Variants in SP100 observed in about 807,000 individuals in gnomAD.
SP100 encodes the protein SP100 nuclear body protein.
In SP100, 84 loss-of-function variants were observed where a neutral mutation model predicts 130.0. That is an observed-to-expected ratio of 0.65 (90% CI 0.54 to 0.77). The LOEUF (loss-of-function observed/expected upper bound fraction) is 0.77. SP100 is among the 30% of genes least tolerant of loss of function. The probability of loss-of-function intolerance (pLI) is 0.00; values close to 1 mark genes in which losing one functional copy is unlikely to be tolerated. For synonymous variants in SP100, 331 were observed against 351.7 expected, an observed-to-expected ratio of 0.94 and a Z score of 0.66; for missense variants, 978 against 1,052.2, an observed-to-expected ratio of 0.93 and a Z score of 0.97.
chr2:230,508,481 A>T (rs1276941305), intron 23 of SP100: 1 of 152,032 alleles, frequency 6.6e-6, no homozygotes, highest in Admixed American at 6.6e-5. Flanking sequence ...ATGCCCGGCT[A>T]TTTTTTTTGT....
chr2:230,440,581 A>G (rs2063438535), intron 2 of SP100: 1 of 1,373,856 alleles, frequency 7.3e-7, no homozygotes, highest in Non-Finnish European at 9.5e-7. Context: ...GAGATATACA[A>G]TGTTAACAGA....
At chr2:230,503,592 T>G (rs1466681372) in intron 20 of SP100, among the ~76,000 whole-genome samples, 2 of 152,224 alleles carry the variant, frequency 1.3e-5, no homozygotes, top group Non-Finnish European at 2.9e-5. Flanking sequence ...TATCTAACTG[T>G]ATATCTGAAT....
chr2:230,515,549 T>C (rs750217530), intron 24 of SP100: 1 of 1,599,288 alleles, frequency 6.3e-7, no homozygotes, highest in Non-Finnish European at 8.5e-7. Flanking sequence ...AAGAGAGTTG[T>C]CAAGGCTGAA....
chr2:230,451,887 A>G (rs192393712), intron 8 of SP100, among the ~76,000 whole-genome samples: 2 of 152,326 alleles, frequency 1.3e-5, no homozygotes, highest in Admixed American at 6.5e-5. Context: ...ACCATTTATT[A>G]AAGAGATAGA....
At chr2:230,445,287 A>C (rs1488138963) in intron 4 of SP100, among the ~76,000 whole-genome samples, 1 of 152,212 alleles carries the variant, frequency 6.6e-6, no homozygotes, top group Non-Finnish European at 1.5e-5. Context: ...CAAATAAGAG[A>C]TAGAGACATC....
At position 230,466,346 on chromosome 2, in the gene SP100, A is replaced by G. The variant is rs747641164; in HGVS notation, c.1187A>G (p.Lys396Arg). ...RKLSTFRESF[K>R]KRVIGQDHDF... is the part of the protein sequence containing the mutation. ...TTATCTACATTCAGAGAAAGTTTTA[A>G]GAAAAGAGGTAAGAGAAAGCTTTAG... Residue 396 changes from lysine to arginine, a missense_variant, in exon 12 of 29, where the codon AAG becomes AGG. Physicochemically the swap from Lys to Arg is conservative, Grantham distance 26. Coordinates refer to ENST00000340126, the MANE Select transcript of SP100 (RefSeq NM_001080391.2). 39 of 1,552,560 alleles carry G rather than the reference A, an allele frequency of 2.5e-5. No homozygotes were observed. Among genetic ancestry groups the G allele is most frequent in the Middle Eastern group, 1.7e-4 (1 of 5,956 alleles).
intron 6 of SP100, 92 bp from the exon 7 acceptor site, chr2:230,449,469 A>T: frequency 7.1e-7 from 1 of 1,415,712 alleles, no homozygotes. Context: ...CCTTGACCTT[A>T]CGTCCATCAG....
At chr2:230,480,548 G>A (rs1295349602) in intron 17 of SP100, among the ~76,000 whole-genome samples, 2 of 152,204 alleles carry the variant, frequency 1.3e-5, no homozygotes, top group Admixed American at 1.3e-4. Flanking sequence ...TCAGTAGGCA[G>A]CTGGGCTTCT....
chr2:230,454,006 G>A (rs2064144310), intron 8 of SP100, among the ~76,000 whole-genome samples: 1 of 152,000 alleles, frequency 6.6e-6, no homozygotes, highest in East Asian at 1.9e-4. Flanking sequence ...CTGTTTCTTT[G>A]TTATTCAGTC....
Position 230,506,472 on chromosome 2 carries a change from C to T in SP100, c.2013+27C>T, listed in dbSNP as rs896861036. ...TATTCTAGTGACAGATGGCTGAAAC[C>T]AAGGATTTAGCTGTCATGCTTCACT... is the stretch of plus-strand genomic sequence containing the variant. On this transcript the variant is annotated intron_variant, in intron 22 of 28. Coordinates refer to ENST00000340126, the MANE Select transcript of SP100 (RefSeq NM_001080391.2). 3.7e-6 allele frequency: 6 copies of T among 1,610,688 alleles called. No homozygotes were observed. In the African/African-American group the frequency reaches 6.7e-5, roughly 18 times the overall value.
chr2:230,472,147 G>A (rs1045526064), intron 15 of SP100, among the ~76,000 whole-genome samples: 2 of 152,000 alleles, frequency 1.3e-5, no homozygotes, highest in Admixed American at 6.6e-5. Context: ...TCAAGATAAG[G>A]GCCAGGCGCA....
Position 230,450,209 on chromosome 2 carries a change from G to A in SP100, c.774G>A (p.Gly258=), listed in dbSNP as rs1209208745. Residue 258 remains glycine (G), a synonymous_variant, in exon 8 of 29, where the codon GGG becomes GGA. Transcript: ENST00000340126. ...CEQIAVQVNN[G]DAGREMPCPL... is the part of the protein sequence containing the mutation. ...AAATTGCTGTCCAAGTGAATAATGG[G>A]GATGCTGGAAGGGAGATGCCCTGCC... 7 of 1,613,766 alleles carry A rather than the reference G, an allele frequency of 4.3e-6. No homozygotes were observed. Among genetic ancestry groups the A allele is most frequent in the Non-Finnish European group, 4.2e-6 (5 of 1,179,894 alleles).
At chr2:230,438,310 A>C (rs1197040178) in intron 2 of SP100, among the ~76,000 whole-genome samples, 1 of 151,850 alleles carries the variant, frequency 6.6e-6, no homozygotes, top group Non-Finnish European at 1.5e-5. Context: ...TTGGGGGAAC[A>C]GGTGGTTTTG....
chr2:230,456,994 C>T (rs910152646), intron 8 of SP100, among the ~76,000 whole-genome samples: 1 of 152,116 alleles, frequency 6.6e-6, no homozygotes, highest in Non-Finnish European at 1.5e-5. Context: ...TTCTTGTTGC[C>T]TTACATTTAT....
In SP100 at chr2:230,469,220, A is replaced by C. The variant is rs2065141402; in HGVS notation, c.1345+124A>C. The C allele has an allele frequency of 1.1e-5, 7 of 658,750 alleles. No homozygotes were observed. In the Middle Eastern group the frequency reaches 1.5e-3, roughly 137 times the overall value. The allele number at this position is 658,750 out of a possible 1,614,324, so 40.8% of individuals were successfully genotyped here. ...TTTGTTGGGATTTTAGATGATTTGCATTTTACATTTTCAATTAGATGAGTT... is the reference window on the plus strand; with the variant it reads ...TTTGTTGGGATTTTAGATGATTTGCCTTTTACATTTTCAATTAGATGAGTT... On this transcript the variant is annotated intron_variant, in intron 14 of 28. Transcript: ENST00000340126.
chr2:230,506,165 C>A, intron 21 of SP100, 138 bp from the exon 22 acceptor site: 1 of 799,296 alleles, frequency 1.3e-6, no homozygotes, highest in East Asian at 2.5e-5. Context: ...TATGAAGCCC[C>A]TGATATCTGA....
Position 230,474,379 on chromosome 2 carries a change from C to T in SP100, c.1547-15C>T, listed in dbSNP as rs1478245371. ...ATAAATTACAGTTCTCTGACCACTA[C>T]CTGTCACTTTCTAGATACCATGGAT... is the stretch of plus-strand genomic sequence containing the variant. On this transcript the variant is annotated splice_polypyrimidine_tract_variant and intron_variant, in intron 16 of 28. Coordinates refer to ENST00000340126, the MANE Select transcript of SP100 (RefSeq NM_001080391.2). 2.1e-6 allele frequency: 3 copies of T among 1,460,064 alleles called. No homozygotes were observed. The highest frequency in any genetic ancestry group is 2.9e-6 in the Non-Finnish European group (3 of 1,049,750). The allele number at this position is 1,460,064 out of a possible 1,614,324, so 90.4% of individuals were successfully genotyped here. A position where few individuals can be genotyped will look rare whatever the true frequency, so the allele number is the denominator to read the frequency against.
In SP100 at chr2:230,473,359, T is replaced by A. The variant is rs1236244659; in HGVS notation, c.1465T>A (p.Ser489Thr). 1 of 1,613,832 alleles carries A rather than the reference T, an allele frequency of 6.2e-7. No individual in the cohort carries two copies. Among genetic ancestry groups the A allele is most frequent in the Admixed American group, 1.7e-5 (1 of 59,992 alleles). Residue 489 changes from serine (S) to threonine (T), a missense_variant, in exon 16 of 29, where the codon TCC (serine) becomes ACC (threonine). By Grantham distance (58) the Ser-to-Thr change is moderately conservative (BLOSUM62 1). Transcript: ENST00000340126. ...ACAAGAACCTGAAAATAAGAAGTGC[T>A]CCTGTGTCATGTGTTTTCCAAAAGG... ...QPQEPENKKC[S>T]CVMCFPKGVP...
chr2:230,528,279 C>T (rs1214005795), intron 24 of SP100, among the ~76,000 whole-genome samples: 2 of 152,196 alleles, frequency 1.3e-5, no homozygotes, highest in Admixed American at 1.3e-4. Flanking sequence ...ATAAACTACT[C>T]AAAACTGCAC....
Sources: allele counts gnomAD v4.1 joint callset (sites outside exome capture counted in the v4.1 genomes callset), GRCh38; gene constraint gnomAD v4.1.1; transcripts MANE v1.5; gene names NCBI Gene and HGNC (gene_info 2026-07-23, HGNC 2026-07-21).